CYRIB: variants seen among roughly 807,000 people sequenced by gnomAD.
CYRIB encodes the protein CYFIP-related Rac1 interactor B.
A neutral mutation model predicts 44.2 loss-of-function variants in CYRIB; 8 were observed. The observed-to-expected ratio is 0.18, with a 90% confidence interval of 0.11 to 0.33. CYRIB has a LOEUF of 0.33. Among genes scored for constraint, CYRIB ranks in the 10% least tolerant of loss-of-function variants. The probability of loss-of-function intolerance (pLI) is 1.00; values close to 1 mark genes in which losing one functional copy is unlikely to be tolerated. For synonymous variants in CYRIB, 131 were observed against 127.2 expected (o/e 1.03, Z -0.20); for missense variants, 185 against 382.8 (o/e 0.48, Z 4.31).
chr8:129,956,896 T>C (rs971246788), intron 2 of CYRIB, among the ~76,000 whole-genome samples: 2 of 139,358 alleles, frequency 1.4e-5, no homozygotes, highest in African/African-American at 5.3e-5. Flanking sequence ...TGGAGTGCAG[T>C]AGCATGACCA....
chr8:129,923,065 C>CT (rs1554642327), intron 1 of CYRIB, among the ~76,000 whole-genome samples: 16 of 123,504 alleles, frequency 1.3e-4, no homozygotes, highest in Non-Finnish European at 2.2e-4. Flanking sequence ...CCCGTCTCTA[C>CT]TAAAAAAAAA....
chr8:129,930,245 C>T (rs774018596), intron 1 of CYRIB, among the ~76,000 whole-genome samples: 5 of 150,112 alleles, frequency 3.3e-5, no homozygotes, highest in Non-Finnish European at 7.4e-5. Flanking sequence ...ACTGTTCATT[C>T]ATCTCTTACT....
intron 2 of CYRIB, among the ~76,000 whole-genome samples, chr8:129,893,787 TGA>T (rs2066554824): frequency 6.6e-6 from 1 of 151,820 alleles, no homozygotes; most frequent in African/African-American, 2.4e-5. Flanking sequence ...CTTCCACCTC[TGA>T]CTTCAAGTGC....
At chr8:129,936,215 T>C (rs941513988) in intron 1 of CYRIB, among the ~76,000 whole-genome samples, 2 of 152,222 alleles carry the variant, frequency 1.3e-5, no homozygotes, top group Non-Finnish European at 2.9e-5. Context: ...TGGGTTCAAA[T>C]GCCAGTCTTC....
intron 1 of CYRIB, among the ~76,000 whole-genome samples, chr8:129,905,201 G>GGATTGATT (rs3077898): frequency 0.058 from 8,757 of 150,462 alleles, 308 homozygotes; most frequent in Middle Eastern, 0.11. Context: ...CACCCAGGCT[G>GGATTGATT]GATTGATTGA....
At chr8:129,897,927 G>A (rs1265453083) in intron 2 of CYRIB, among the ~76,000 whole-genome samples, 4 of 151,918 alleles carry the variant, frequency 2.6e-5, no homozygotes, top group South Asian at 4.2e-4. Context: ...CAATACGCCC[G>A]GCTGATTTTT....
At chr8:129,993,996 A>T (rs1413260887) in intron 1 of CYRIB, among the ~76,000 whole-genome samples, 2 of 152,092 alleles carry the variant, frequency 1.3e-5, no homozygotes, top group Non-Finnish European at 2.9e-5. Context: ...AAAGTCCAGG[A>T]TTACTGCTTG....
At chr8:129,982,104 A>T (rs1443733810) in intron 1 of CYRIB, among the ~76,000 whole-genome samples, 1 of 152,202 alleles carries the variant, frequency 6.6e-6, no homozygotes, top group African/African-American at 2.4e-5. Flanking sequence ...TGCAAGTCCC[A>T]AGTCCTGGAA....
At chr8:129,998,824 G>T (rs1026493188) in intron 1 of CYRIB, among the ~76,000 whole-genome samples, 112 of 152,084 alleles carry the variant, frequency 7.4e-4, no homozygotes, top group Non-Finnish European at 1.1e-3. Context: ...TAGAGACGGG[G>T]TTTCACCATG....
chr8:129,942,593 T>C (rs890242043), upstream of CYRIB, among the ~76,000 whole-genome samples: 2 of 152,238 alleles, frequency 1.3e-5, no homozygotes, highest in African/African-American at 4.8e-5. Context: ...GTGATCATAT[T>C]TTTGCCGAGG....
At chr8:129,947,064 A>AT (rs201605982) in intron 2 of CYRIB, among the ~76,000 whole-genome samples, 11,424 of 137,148 alleles carry the variant, frequency 0.083, 591 homozygotes, top group East Asian at 0.26. Flanking sequence ...TTATTTATTT[A>AT]TTTTTTTTTT....
At chr8:129,975,736 T>C (rs2095888232) in intron 1 of CYRIB, among the ~76,000 whole-genome samples, 1 of 152,252 alleles carries the variant, frequency 6.6e-6, no homozygotes, top group African/African-American at 2.4e-5. Flanking sequence ...CTACTTGGCA[T>C]AGCATGCTCT....
At chr8:129,852,012 G>A (rs936199118) in intron 8 of CYRIB, 150 bp downstream of exon 10, 2 of 433,662 alleles carry the variant, frequency 4.6e-6, no homozygotes, top group Middle Eastern at 3.4e-4. Flanking sequence ...GTGTGCACAT[G>A]TGGGCCTCAG....
At chr8:130,006,939 G>A (rs1309733190) in intron 1 of CYRIB, among the ~76,000 whole-genome samples, 1 of 151,720 alleles carries the variant, frequency 6.6e-6, no homozygotes, top group Non-Finnish European at 1.5e-5. Context: ...TATGGTCTCA[G>A]GACCCTTCTT....
intron 1 of CYRIB, chr8:130,004,698 G>A (rs72720351): frequency 0.052 from 7,925 of 151,068 alleles, 286 homozygotes; most frequent in Non-Finnish European, 0.077. Context: ...CCTGTACAGC[G>A]TCACACACAC....
In CYRIB at chr8:129,929,900, G is replaced by T. The variant is rs75526308; in HGVS notation, c.-50+9708C>A. The stretch of plus-strand genomic sequence containing the variant: ...GACTTAGGACAGTTTCTATAATACA[G>T]TTAACCAGTTATGCGTTTAAAAACA... On this transcript the variant is annotated intron_variant, in intron 1 of 11. Coordinates refer to ENST00000519824, the Ensembl canonical transcript of CYRIB. 8.6e-3 allele frequency among the ~76,000 whole-genome samples: 1,307 copies of T among 152,202 alleles called. 23 individuals are homozygous for T. Among genetic ancestry groups the T allele is most frequent in the African/African-American group, 0.03 (1,261 of 41,504 alleles).
intron 3 of CYRIB, among the ~76,000 whole-genome samples, chr8:129,875,241 A>T (rs746693773): frequency 2.6e-5 from 4 of 152,016 alleles, no homozygotes; most frequent in Non-Finnish European, 5.9e-5. Flanking sequence ...CAACAACTAG[A>T]AGAGGCTATG....
At chr8:129,907,608 T>C (rs2076098046) in intron 1 of CYRIB, among the ~76,000 whole-genome samples, 1 of 151,912 alleles carries the variant, frequency 6.6e-6, no homozygotes, top group African/African-American at 2.4e-5. Context: ...AAACTATATA[T>C]ATATGAAAAA....
chr8:129,950,838 G>A lies in CYRIB; in HGVS notation c.-243+20105C>T, dbSNP rs80097890. On this transcript the variant is annotated intron_variant, in intron 2 of 14. Coordinates refer to the CYRIB transcript ENST00000401979. ...GAAAGGGCATAGTAGGATTCTGAAA[G>A]AACCATCTTTAGAATTAATGAAAAT... 1.2e-3 allele frequency among the ~76,000 whole-genome samples: 186 copies of A among 152,262 alleles called. 1 individual carries two copies. The highest frequency in any genetic ancestry group is 4.3e-3 in the African/African-American group (177 of 41,562).
Sources: gnomAD v4.1 joint callset for allele counts (sites outside exome capture counted in the v4.1 genomes callset) on GRCh38, gnomAD v4.1.1 for gene constraint, MANE v1.5 for transcripts, NCBI Gene and HGNC (gene_info 2026-07-23, HGNC 2026-07-21) for gene names.